The following ATM variants were observed in gnomAD, a reference collection of about 807,000 sequenced individuals.
ATM encodes the protein serine-protein kinase ATM.
In ATM, 308 loss-of-function variants were observed where a neutral mutation model predicts 387.0. The observed-to-expected ratio is 0.80, with a 90% CI of 0.73 to 0.87. ATM has a LOEUF of 0.87. Ranked by LOEUF, ATM falls within the 40% of genes least tolerant of loss-of-function variation. The probability of loss-of-function intolerance (pLI) is 0.00; values close to 1 mark genes in which losing one functional copy is unlikely to be tolerated. For missense variants in ATM, 3,312 were observed against 3,560.9 expected, an observed-to-expected ratio of 0.93 and a Z score of 1.78; for synonymous variants, 1,156 against 1,187.3, an observed-to-expected ratio of 0.97 and a Z score of 0.54.
chr11:108,303,949 G>A (rs1278040426), intron 36 of ATM, among the ~76,000 whole-genome samples: 1 of 152,096 alleles, frequency 6.6e-6, no homozygotes, highest in Non-Finnish European at 1.5e-5. Flanking sequence ...CTTGTCTTTG[G>A]TTTGAAAAAG....
chr11:108,266,490 T>G (rs1591583390), intron 16 of ATM, among the ~76,000 whole-genome samples: 4 of 79,972 alleles, frequency 5.0e-5, no homozygotes, highest in East Asian at 4.3e-4. Context: ...TGTTGTGGGG[T>G]GGGGGGAGGG....
At chr11:108,310,085 T>A in intron 38 of ATM, 75 bp from the exon 39 acceptor site, 1 of 1,494,774 alleles carries the variant, frequency 6.7e-7, no homozygotes, top group Non-Finnish European at 9.2e-7. Flanking sequence ...TACCATTGTA[T>A]TCTATATCAA....
At chr11:108,291,907 G>A (rs2082816411) in intron 29 of ATM, among the ~76,000 whole-genome samples, 1 of 152,144 alleles carries the variant, frequency 6.6e-6, no homozygotes, top group Non-Finnish European at 1.5e-5. Flanking sequence ...CCCCTAATTT[G>A]TGGGTGCTTT....
intron 49 of ATM, 59 bp from the exon 50 acceptor site, chr11:108,330,155 T>A (rs2086102318): frequency 2.6e-6 from 4 of 1,547,348 alleles, no homozygotes; most frequent in Non-Finnish European, 3.5e-6. Flanking sequence ...TCATGTGTGA[T>A]TTTGTAGTTC....
intron 4 of ATM, among the ~76,000 whole-genome samples, chr11:108,235,181 C>T (rs1318171373): frequency 6.6e-6 from 1 of 151,550 alleles, no homozygotes; most frequent in East Asian, 2.0e-4. Flanking sequence ...CCTCTAGTCT[C>T]AGCTACTTGG....
At chr11:108,333,409 G>A (rs1037127613) in intron 53 of ATM, among the ~76,000 whole-genome samples, 2 of 152,214 alleles carry the variant, frequency 1.3e-5, no homozygotes, top group South Asian at 4.1e-4. Context: ...ATGCTTCTAA[G>A]TATCTCCCCA....
intron 38 of ATM, chr11:108,309,051 A>G: frequency 6.6e-7 from 1 of 1,515,976 alleles, no homozygotes; most frequent in South Asian, 1.2e-5. Context: ...TTAATGCTGA[A>G]TAAGATCCTG....
intron 42 of ATM, among the ~76,000 whole-genome samples, chr11:108,316,912 C>T (rs533267461): frequency 6.6e-6 from 1 of 151,678 alleles, no homozygotes; most frequent in South Asian, 2.1e-4. Context: ...GGCAATAGAG[C>T]GAGACTCCAT....
At position 108,367,981 on chromosome 11, in the gene ATM, A is replaced by G. The variant is rs2091419816; in HGVS notation, c.*2473A>G. The stretch of plus-strand genomic sequence containing the variant: ...GGTGAAATTAGAAATTATCAACTAG[A>G]TAATAGTATAGATAAATGAATTTGT... On this transcript the variant is annotated 3_prime_UTR_variant, in exon 63 of 63. Transcript: ENST00000675843. 9.7e-6 allele frequency: 2 copies of G among 205,378 alleles called. No individual in the cohort carries two copies. Among genetic ancestry groups the G allele is most frequent in the African/African-American group, 4.6e-5 (2 of 43,746 alleles). The allele number at this position is 205,378 out of a possible 1,614,324, so 12.7% of individuals were successfully genotyped here.
In ATM at chr11:108,257,571, C is replaced by T. The variant is rs1555075781; in HGVS notation, c.2341C>T (p.Gln781Ter). 6.2e-7 allele frequency: 1 copy of T among 1,613,982 alleles called. No homozygotes were observed. Among genetic ancestry groups the T allele is most frequent in the South Asian group, 1.1e-5 (1 of 91,082 alleles). ...AATTGGTTCCTTGAGAAATATGATGCAGCTATGTACACGTTGCTTGAGCAA... is the reference window on the plus strand; with the variant it reads ...AATTGGTTCCTTGAGAAATATGATGTAGCTATGTACACGTTGCTTGAGCAA... ...FRIGSLRNMMQLCTRCLSNCT... is the reference protein window; with the variant it reads ...FRIGSLRNMM Residue 781 changes from glutamine (Q) to a stop codon, truncating the protein, a stop_gained, in exon 15 of 63, where the codon CAG becomes TAG. Transcript: ENST00000675843. LOFTEE classifies it high-confidence loss of function.
chr11:108,252,111 C>T (rs966436125), intron 11 of ATM, 80 bp downstream of exon 11: 2 of 1,241,052 alleles, frequency 1.6e-6, no homozygotes, highest in African/African-American at 1.5e-5. Flanking sequence ...TGCCAGATGG[C>T]TTTATTTTAT....
At chr11:108,280,957 C>T (rs2135663949) in intron 23 of ATM, 38 bp from the exon 24 acceptor site, 3 of 1,546,080 alleles carry the variant, frequency 1.9e-6, no homozygotes, top group South Asian at 1.1e-5. Flanking sequence ...TAAACATTTA[C>T]ATTTTACATT....
rs370253007 is a variant in ATM at position 108,357,456 on chromosome 11, A to G, written c.8850+2582A>G. Among the ~76,000 whole-genome samples, 64 of 152,260 alleles carry G rather than the reference A, an allele frequency of 4.2e-4. No homozygotes were observed. The South Asian group carries it at 5.6e-3, about 13-fold the overall frequency. On this transcript the variant is annotated intron_variant, in intron 61 of 62. Transcript: ENST00000675843. The stretch of plus-strand genomic sequence containing the variant: ...GTGGAACCCACCACAGCTCAAGGAG[A>G]CCTGCCTGCCTCTGTAGGCTCCACC...
rs1271623431 is a variant in ATM at position 108,252,925 on chromosome 11, A to C, written c.1898+13A>C. ...GCGTGCCAGAATGGTATGTTATCTA[A>C]TAATGCTCTTTATCATTTTAAGCTA... is the stretch of plus-strand genomic sequence containing the variant. On this transcript the variant is annotated intron_variant, in intron 12 of 62. Transcript: ENST00000675843. 6.3e-7 allele frequency: 1 copy of C among 1,581,872 alleles called. No individual in the cohort carries two copies. Among genetic ancestry groups the C allele is most frequent in the Non-Finnish European group, 8.7e-7 (1 of 1,151,728 alleles).
At chr11:108,320,597 G>A (rs2085134769) in intron 44 of ATM, among the ~76,000 whole-genome samples, 1 of 152,156 alleles carries the variant, frequency 6.6e-6, no homozygotes, top group South Asian at 2.1e-4. Flanking sequence ...CTCTAATCAT[G>A]ACAATAACTA....
intron 40 of ATM, among the ~76,000 whole-genome samples, chr11:108,315,179 C>T (rs2084511776): frequency 6.6e-6 from 1 of 152,180 alleles, no homozygotes; most frequent in African/African-American, 2.4e-5. Context: ...ATTAGTGTCA[C>T]ATGGCATTTT....
At chr11:108,294,414 A>C (rs1260948516) in intron 31 of ATM, among the ~76,000 whole-genome samples, 1 of 152,176 alleles carries the variant, frequency 6.6e-6, no homozygotes, top group Non-Finnish European at 1.5e-5. Context: ...ACAATCTTGA[A>C]GTCTGTGTTA....
At chr11:108,247,168 T>G (rs761225516) in intron 8 of ATM, 41 bp downstream of exon 8, 2 of 1,609,748 alleles carry the variant, frequency 1.2e-6, no homozygotes, top group Admixed American at 3.3e-5. Flanking sequence ...AATTTCCTGT[T>G]AATTTTTTTT....
intron 16 of ATM, among the ~76,000 whole-genome samples, chr11:108,259,673 C>T (rs1462742572): frequency 6.6e-6 from 1 of 152,136 alleles, no homozygotes; most frequent in East Asian, 1.9e-4. Flanking sequence ...ATCTGCGCAA[C>T]ATTGTACCAA....
Sources: gnomAD v4.1 joint callset for allele counts (sites outside exome capture counted in the v4.1 genomes callset) on GRCh38, gnomAD v4.1.1 for gene constraint, MANE v1.5 for transcripts, NCBI Gene and HGNC (gene_info 2026-07-23, HGNC 2026-07-21) for gene names.